The following PCDH15 variants were observed in gnomAD, a reference collection of about 807,000 sequenced individuals.
PCDH15 encodes protocadherin related 15.
In PCDH15, 129 loss-of-function variants were observed where a neutral mutation model predicts 178.5. The observed-to-expected ratio is 0.72, with a 90% confidence interval of 0.63 to 0.84. The LOEUF is 0.84. Among genes scored for constraint, PCDH15 ranks in the 40% least tolerant of loss-of-function variants. The pLI is 0.00. For synonymous variants in PCDH15, 800 were observed against 732.0 expected (o/e 1.09, Z -1.50); for missense variants, 2,230 against 2,099.9 (o/e 1.06, Z -1.21).
chr10:54,158,232 C>A (rs1261001540), intron 13 of PCDH15, among the ~76,000 whole-genome samples: 1 of 152,140 alleles, frequency 6.6e-6, no homozygotes, highest in African/African-American at 2.4e-5. Context: ...CGAGACTGGG[C>A]AATTTACAAA....
intron 2 of PCDH15, among the ~76,000 whole-genome samples, chr10:54,953,955 T>G (rs1442797837): frequency 6.6e-6 from 1 of 151,334 alleles, no homozygotes; most frequent in Non-Finnish European, 1.5e-5. Context: ...ATAGGATTTT[T>G]TTCTGGTACT....
intron 2 of PCDH15, among the ~76,000 whole-genome samples, chr10:54,617,921 TCAA>T (rs1565759896): frequency 1.1e-5 from 1 of 94,522 alleles, no homozygotes. Context: ...AGACTCCATT[TCAA>T]AAAAAAAAAA....
intron 3 of PCDH15, among the ~76,000 whole-genome samples, chr10:54,886,677 G>T (rs547550312): frequency 8.5e-5 from 13 of 152,202 alleles, no homozygotes; most frequent in Non-Finnish European, 1.5e-4. Context: ...CAGGAGAATC[G>T]CTTGAACCCC....
chr10:54,517,569 G>C (rs578069008), intron 3 of PCDH15, among the ~76,000 whole-genome samples: 11 of 151,900 alleles, frequency 7.2e-5, no homozygotes, highest in East Asian at 3.9e-4. Context: ...AGCAAGTCCT[G>C]AGTGACCTAC....
At chr10:55,140,635 A>G (rs1049042490) in intron 2 of PCDH15, among the ~76,000 whole-genome samples, 2 of 152,010 alleles carry the variant, frequency 1.3e-5, no homozygotes, top group Non-Finnish European at 1.5e-5. Flanking sequence ...TATTCATTAA[A>G]TGAAATTGTG....
intron 20 of PCDH15, among the ~76,000 whole-genome samples, chr10:54,002,649 T>C (rs987578530): frequency 1.3e-5 from 2 of 152,074 alleles, no homozygotes; most frequent in Admixed American, 6.6e-5. Context: ...CAAATGATAA[T>C]GAAAATACAA....
chr10:54,895,744 C>A (rs1954533775), intron 3 of PCDH15, among the ~76,000 whole-genome samples: 1 of 152,060 alleles, frequency 6.6e-6, no homozygotes, highest in South Asian at 2.1e-4. Flanking sequence ...AACAATAGTT[C>A]TTATTATTTT....
chr10:54,090,329 A>T (rs149061266), intron 15 of PCDH15, among the ~76,000 whole-genome samples: 157 of 152,320 alleles, frequency 1.0e-3, no homozygotes, highest in Non-Finnish European at 1.2e-3. Context: ...ATTTAATTTC[A>T]ATGTCTGTTT....
At chr10:55,343,224 T>C (rs531242320) in intron 2 of PCDH15, among the ~76,000 whole-genome samples, 1 of 152,100 alleles carries the variant, frequency 6.6e-6, no homozygotes, top group East Asian at 1.9e-4. Flanking sequence ...TTTACCAAAC[T>C]AAGGAATTAA....
chr10:54,151,476 G>A (rs1029088681), intron 14 of PCDH15, among the ~76,000 whole-genome samples: 1 of 152,068 alleles, frequency 6.6e-6, no homozygotes, highest in Non-Finnish European at 1.5e-5. Context: ...AGAGTTTGAG[G>A]CTTCCATTAG....
At chr10:54,891,702 C>T (rs1014440363) in intron 3 of PCDH15, among the ~76,000 whole-genome samples, 1 of 152,120 alleles carries the variant, frequency 6.6e-6, no homozygotes, top group African/African-American at 2.4e-5. Context: ...TATTAGCAGT[C>T]ATTAGTTCTT....
intron 1 of PCDH15, among the ~76,000 whole-genome samples, chr10:54,666,329 A>C (rs898806382): frequency 6.6e-6 from 1 of 152,064 alleles, no homozygotes; most frequent in Non-Finnish European, 1.5e-5. Context: ...TGACTGGCTC[A>C]AGGTTATAAA....
At chr10:54,750,283 C>A (rs924743995) in intron 1 of PCDH15, among the ~76,000 whole-genome samples, 4 of 125,512 alleles carry the variant, frequency 3.2e-5, no homozygotes, top group African/African-American at 1.1e-4. Flanking sequence ...AAGAGTTAAA[C>A]AGTAAATAAT....
At chr10:54,032,806 A>C (rs2093329381) in intron 18 of PCDH15, among the ~76,000 whole-genome samples, 1 of 152,052 alleles carries the variant, frequency 6.6e-6, no homozygotes, top group Admixed American at 6.6e-5. Flanking sequence ...AAAGAGGTTT[A>C]ATTGACTCAG....
chr10:54,589,539 T>C (rs937117774), intron 2 of PCDH15, among the ~76,000 whole-genome samples: 4 of 152,240 alleles, frequency 2.6e-5, no homozygotes, highest in Admixed American at 6.5e-5. Context: ...GTTAATTTTA[T>C]TGTTTATCAT....
At chr10:55,076,096 A>G (rs935920614) in intron 2 of PCDH15, among the ~76,000 whole-genome samples, 4 of 152,170 alleles carry the variant, frequency 2.6e-5, no homozygotes, top group Non-Finnish European at 4.4e-5. Context: ...GTTGTCTGAG[A>G]AGACACTTGA....
rs917166864 is a variant in PCDH15, at chr10:55,231,438, T to A, written c.-155-64787A>T. The stretch of plus-strand genomic sequence containing the variant: ...GTAACAGGAGTTGTTTTGAGTAAAC[T>A]ACCTAGCTAAGGCCACTAAGCTAAT... On this transcript the variant is annotated intron_variant, in intron 1 of 5. Coordinates refer to the PCDH15 transcript ENST00000458638. 9.2e-5 allele frequency among the ~76,000 whole-genome samples: 14 copies of A among 152,112 alleles called. 1 individual carries two copies. Among genetic ancestry groups the A allele is most frequent in the Admixed American group, 5.9e-4 (9 of 15,280 alleles).
chr10:54,227,406 C>A (rs1385224796), intron 9 of PCDH15, among the ~76,000 whole-genome samples: 2 of 152,164 alleles, frequency 1.3e-5, no homozygotes, highest in Non-Finnish European at 2.9e-5. Flanking sequence ...CCCTTTCAGC[C>A]ACAGCTGGAG....
intron 2 of PCDH15, among the ~76,000 whole-genome samples, chr10:55,078,120 C>T (rs149580011): frequency 1.3e-5 from 2 of 152,210 alleles, no homozygotes; most frequent in African/African-American, 4.8e-5. Flanking sequence ...TTTTTTATTT[C>T]AGCACTTTGA....
Sources: allele counts gnomAD v4.1 joint callset (sites outside exome capture counted in the v4.1 genomes callset), GRCh38; gene constraint gnomAD v4.1.1; transcripts MANE v1.5; gene names NCBI Gene and HGNC (gene_info 2026-07-23, HGNC 2026-07-21).